MMP16: variants seen among roughly 807,000 people sequenced by gnomAD.
MMP16 encodes matrix metallopeptidase 16.
In MMP16, 12 loss-of-function variants were observed where a neutral mutation model predicts 67.8. The observed-to-expected ratio is 0.18, with a 90% CI of 0.11 to 0.29. MMP16 has a LOEUF of 0.29. Ranked by LOEUF, MMP16 falls within the 10% of genes least tolerant of loss-of-function variation. The probability of loss-of-function intolerance (pLI) is 1.00; values close to 1 mark genes in which losing one functional copy is unlikely to be tolerated. For missense variants in MMP16, 475 were observed against 765.7 expected (o/e 0.62, Z 4.48); for synonymous variants, 249 against 255.9 (o/e 0.97, Z 0.26).
In MMP16 at chr8:88,037,425, C is replaced by T. The variant is rs1808069481; in HGVS notation, c.*4036G>A. 6.6e-6 allele frequency: 1 copy of T among 151,766 alleles called. No individual in the cohort carries two copies. The allele number at this position is 151,766 out of a possible 1,614,324, so 9.4% of individuals were successfully genotyped here. On this transcript the variant is annotated 3_prime_UTR_variant, in exon 10 of 10. Transcript: ENST00000286614. ...GTAACACTTGCTTATTTCAGTAAAC[C>T]AGTCTGTATCTTTTATTACTTAGTA...
At chr8:88,245,388 T>C (rs921095414) in intron 1 of MMP16, among the ~76,000 whole-genome samples, 6 of 152,202 alleles carry the variant, frequency 3.9e-5, no homozygotes, top group Admixed American at 2.0e-4. Flanking sequence ...GTCATATGGA[T>C]GCACTCTCTG....
At position 88,197,249 on chromosome 8, in the gene MMP16, G is replaced by A. The variant is rs758946094; in HGVS notation, c.190C>T (p.Arg64Cys). 11 of 1,604,618 alleles carry A rather than the reference G, an allele frequency of 6.9e-6. No homozygotes were observed. The Admixed American group carries it at 6.9e-5, about 10-fold the overall frequency. ...GCAGACTGCATGGTCTCTGCAGAGC[G>A]CAGCACTGACATTCTGGGGTCAGTC... The part of the protein sequence containing the change: ...PPTDPRMSVL[R>C]SAETMQSALA... The change falls in exon 2 of 10, where the codon CGC (arginine) becomes TGC (cysteine). Residue 64 changes from arginine to cysteine, a missense_variant. By Grantham distance (180) the Arg-to-Cys change is radical. This residue lies in a region of MMP16 where 170 missense variants were observed against 239.6 expected (regional missense o/e 0.71). Coordinates refer to ENST00000286614, the MANE Select transcript of MMP16 (RefSeq NM_005941.5).
intron 7 of MMP16, among the ~76,000 whole-genome samples, chr8:88,073,536 T>C (rs964257281): frequency 5.9e-5 from 9 of 152,166 alleles, no homozygotes; most frequent in African/African-American, 1.9e-4. Flanking sequence ...GGCCATAAAA[T>C]TATCATGTTC....
intron 4 of MMP16, among the ~76,000 whole-genome samples, chr8:88,125,236 A>G (rs1445017814): frequency 6.6e-6 from 1 of 151,490 alleles, no homozygotes; most frequent in African/African-American, 2.4e-5. Flanking sequence ...TATTGCTACA[A>G]TTAGAAGAAA....
intron 7 of MMP16, among the ~76,000 whole-genome samples, chr8:88,070,356 C>T (rs1376071166): frequency 2.6e-5 from 4 of 152,070 alleles, no homozygotes; most frequent in African/African-American, 9.7e-5. Flanking sequence ...AATTATTCCC[C>T]ACTACTGAGG....
At chr8:88,226,486 AACTGTAGAAG>A in intron 1 of MMP16, among the ~76,000 whole-genome samples, 1 of 152,186 alleles carries the variant, frequency 6.6e-6, no homozygotes, top group South Asian at 2.1e-4. Flanking sequence ...CATACCTTTT[AACTGTAGAAG>A]ACTCATTTTC....
At chr8:88,171,597 C>T (rs1158580226) in intron 3 of MMP16, among the ~76,000 whole-genome samples, 2 of 151,962 alleles carry the variant, frequency 1.3e-5, no homozygotes, top group East Asian at 1.9e-4. Context: ...GCTGGTTAAA[C>T]AAAATATAAA....
At chr8:88,088,255 A>G (rs1282504513) in intron 6 of MMP16, among the ~76,000 whole-genome samples, 3 of 150,806 alleles carry the variant, frequency 2.0e-5, no homozygotes, top group Non-Finnish European at 3.0e-5. Context: ...ATAGATATCT[A>G]TATATAGAGA....
Position 88,034,303 on chromosome 8 carries a change from G to C in MMP16, c.*7158C>G, listed in dbSNP as rs1440627960. 6.6e-6 allele frequency: 1 copy of C among 151,190 alleles called. No individual in the cohort carries two copies. 9.4% of individuals were successfully genotyped at this position (151,190 alleles called of 1,614,324 possible). A position where few individuals can be genotyped will look rare whatever the true frequency, so the allele number is the denominator to read the frequency against. On this transcript the variant is annotated 3_prime_UTR_variant, in exon 10 of 10. Coordinates refer to ENST00000286614, the MANE Select transcript of MMP16 (RefSeq NM_005941.5). ...TGCAAATATAGACAGAGACTGCATA[G>C]GACAACTCAATAAGATGTATCTTTC...
At position 88,040,318 on chromosome 8, in the gene MMP16, T is replaced by G. The variant is rs1808114555; in HGVS notation, c.*1143A>C. The G allele has an allele frequency of 2.6e-5, 4 of 152,636 alleles. No individual in the cohort carries two copies. In the South Asian group the frequency reaches 8.3e-4, roughly 32 times the overall value. 9.5% of individuals were successfully genotyped at this position (152,636 alleles called of 1,614,324 possible). On this transcript the variant is annotated 3_prime_UTR_variant, in exon 10 of 10. Coordinates refer to ENST00000286614, the MANE Select transcript of MMP16 (RefSeq NM_005941.5). ...ATCATTTAAAAATTATATGACATTATAGGATATCTGTTTTAAAAACCTGAA... is the reference window on the plus strand; with the variant it reads ...ATCATTTAAAAATTATATGACATTAGAGGATATCTGTTTTAAAAACCTGAA...
chr8:88,273,091 CT>C (rs372256026), intron 1 of MMP16, among the ~76,000 whole-genome samples: 20 of 146,882 alleles, frequency 1.4e-4, no homozygotes, highest in East Asian at 2.0e-4. Flanking sequence ...ATAACCTGCC[CT>C]TTTTTTTTTG....
chr8:88,101,219 G>A (rs1809138879), intron 6 of MMP16, among the ~76,000 whole-genome samples: 1 of 151,762 alleles, frequency 6.6e-6, no homozygotes. Context: ...CTAAACCTAG[G>A]CTTTTCTGCT....
intron 1 of MMP16, among the ~76,000 whole-genome samples, chr8:88,306,562 A>G (rs561035710): frequency 6.6e-6 from 1 of 152,210 alleles, no homozygotes; most frequent in African/African-American, 2.4e-5. Flanking sequence ...CCAGCAGCAT[A>G]TAAAAAAGCA....
chr8:88,248,790 T>A (rs1378459958), intron 1 of MMP16, among the ~76,000 whole-genome samples: 10 of 140,032 alleles, frequency 7.1e-5, no homozygotes, highest in African/African-American at 8.2e-5. Flanking sequence ...TTGGACATAG[T>A]AAAAAAAAAA....
rs1248481116 is a variant in MMP16 at position 88,040,856 on chromosome 8, C to G, written c.*605G>C. 6.6e-6 allele frequency: 1 copy of G among 152,480 alleles called. No homozygotes were observed. Among genetic ancestry groups the G allele is most frequent in the Non-Finnish European group, 1.5e-5 (1 of 68,034 alleles). The allele number at this position is 152,480 out of a possible 1,614,324, so 9.4% of individuals were successfully genotyped here. ...AGTCTAACGTCCTGCATGTGTATTC[C>G]AAATCTCCCACCTGACAAAATGGTG... On this transcript the variant is annotated 3_prime_UTR_variant, in exon 10 of 10. Coordinates refer to ENST00000286614, the MANE Select transcript of MMP16 (RefSeq NM_005941.5).
chr8:88,243,211 C>T (rs1438239723), intron 1 of MMP16, among the ~76,000 whole-genome samples: 1 of 152,124 alleles, frequency 6.6e-6, no homozygotes, highest in Non-Finnish European at 1.5e-5. Context: ...AAGATAAATA[C>T]AATATATTAC....
chr8:88,065,813 A>T (rs1200786068), intron 7 of MMP16, among the ~76,000 whole-genome samples: 1 of 152,116 alleles, frequency 6.6e-6, no homozygotes, highest in African/African-American at 2.4e-5. Flanking sequence ...GTTTATGAGG[A>T]CTCATTTGAA....
At chr8:88,126,619 A>G (rs1266758857) in intron 4 of MMP16, among the ~76,000 whole-genome samples, 1 of 151,932 alleles carries the variant, frequency 6.6e-6, no homozygotes, top group East Asian at 1.9e-4. Flanking sequence ...TGCGTTAACT[A>G]ACATGATTGT....
chr8:88,282,093 G>GTC, intron 1 of MMP16, among the ~76,000 whole-genome samples: 1 of 135,948 alleles, frequency 7.4e-6, no homozygotes, highest in East Asian at 2.0e-4. Flanking sequence ...GGGGGGGGGG[G>GTC]GGCGACGGGG....
Sources: gnomAD v4.1 joint callset for allele counts (sites outside exome capture counted in the v4.1 genomes callset) on GRCh38, gnomAD v4.1.1 for gene constraint, gnomAD v4.1.1 regional missense constraint, MANE v1.5 for transcripts, NCBI Gene and HGNC (gene_info 2026-07-23, HGNC 2026-07-21) for gene names.